FANCM: variants seen among roughly 807,000 people sequenced by gnomAD.
FANCM encodes Fanconi anemia group M protein.
A neutral mutation model predicts 199.5 loss-of-function variants in FANCM; 140 were observed. That is an observed-to-expected ratio of 0.70 (90% CI 0.61 to 0.81). The LOEUF is 0.81. Among genes scored for constraint, FANCM ranks in the 30% least tolerant of loss-of-function variants. The pLI is 0.00. For synonymous variants in FANCM, 840 were observed against 836.8 expected (o/e 1.00, Z -0.07); for missense variants, 2,410 against 2,421.4 (o/e 1.00, Z 0.10).
chr14:45,155,413 A>G lies in FANCM; in HGVS notation c.1350A>G (p.Leu450=), dbSNP rs781079353. The G allele has an allele frequency of 2.0e-6, 3 of 1,483,318 alleles. No individual in the cohort carries two copies. Among genetic ancestry groups the G allele is most frequent in the African/African-American group, 2.8e-5 (2 of 72,486 alleles). The allele number at this position is 1,483,318 out of a possible 1,614,324, so 91.9% of individuals were successfully genotyped here. Residue 450 remains leucine, a synonymous_variant, in exon 8 of 23, where the codon TTA becomes TTG. Transcript: ENST00000267430. The part of the protein sequence containing the change: ...NKKFVYSHPK[L]KKLEEVVIEH... ...AATTTGTTTATAGTCATCCAAAGTTAAAGAAATTAGAAGAAGTTGTAATTG... is the reference window on the plus strand; with the variant it reads ...AATTTGTTTATAGTCATCCAAAGTTGAAGAAATTAGAAGAAGTTGTAATTG...
intron 3 of FANCM, among the ~76,000 whole-genome samples, chr14:45,146,240 G>GA (rs143430263): frequency 0.85 from 78,928 of 93,024 alleles, 33,895 homozygotes; most frequent in Non-Finnish European, 0.89. Flanking sequence ...GACTCCGTCT[G>GA]AAAAAAAAAA....
chr14:45,138,023 G>T (rs1018627996), intron 2 of FANCM: 29 of 152,174 alleles, frequency 1.9e-4, no homozygotes, highest in Admixed American at 3.9e-4. Flanking sequence ...TGTGAAGATT[G>T]TGAGTTCTGG....
chr14:45,164,405 C>T lies in FANCM; in HGVS notation c.1628C>T (p.Thr543Ile), dbSNP rs1887816758. 3.1e-6 allele frequency: 5 copies of T among 1,613,350 alleles called. No individual in the cohort carries two copies. The South Asian group carries it at 3.3e-5, about 11-fold the overall frequency. The change falls in exon 10 of 23, where the codon ACC becomes ATC. Residue 543 changes from threonine (T) to isoleucine (I), a missense_variant. Coordinates refer to ENST00000267430, the MANE Select transcript of FANCM (RefSeq NM_020937.4). ...RDGGYNTLVS[T>I]CVGEEGLDIG... ...GGTGGTTACAACACGCTGGTTTCTA[C>T]CTGTGTGGGTGAAGAAGGTTTGGAT...
At position 45,136,260 on chromosome 14, in the gene FANCM, A is replaced by G. The variant is rs61746895; in HGVS notation, c.229A>G (p.Thr77Ala). 0.015 allele frequency: 24,315 copies of G among 1,613,858 alleles called. 235 individuals are homozygous for G. Among genetic ancestry groups the G allele is most frequent in the African/African-American group, 0.037 (2,781 of 74,930 alleles). ...QLCLENGGFC[T>A]SAGALWIYPT... is the part of the protein sequence containing the mutation. ...GTGTCTAGAGAATGGCGGGTTCTGC[A>G]CCTCCGCGGGCGCCCTGTGGATTTA... is the stretch of plus-strand genomic sequence containing the variant. Residue 77 changes from threonine (T) to alanine (A), a missense_variant, in exon 1 of 23, where the codon ACC becomes GCC. By Grantham distance (58) the Thr-to-Ala change is moderately conservative (BLOSUM62 0). Coordinates refer to ENST00000267430, the MANE Select transcript of FANCM (RefSeq NM_020937.4).
chr14:45,139,002 A>G (rs1042728161), intron 2 of FANCM, among the ~76,000 whole-genome samples: 22 of 152,360 alleles, frequency 1.4e-4, no homozygotes, highest in African/African-American at 5.3e-4. Flanking sequence ...ATTTCACTCA[A>G]AACTGCCTCA....
chr14:45,188,617 CT>C (rs1889558622), intron 19 of FANCM, among the ~76,000 whole-genome samples, 184 bp from the exon 20 acceptor site: 1 of 152,050 alleles, frequency 6.6e-6, no homozygotes, highest in Non-Finnish European at 1.5e-5. Context: ...CATTCTTTTC[CT>C]TTATCCTCAA....
chr14:45,170,227 G>T (rs1888250877), intron 11 of FANCM, among the ~76,000 whole-genome samples: 1 of 152,190 alleles, frequency 6.6e-6, no homozygotes, highest in Non-Finnish European at 1.5e-5. Context: ...GAGACATTTA[G>T]AAGCATGAAG....
Position 45,176,739 on chromosome 14 carries a change from T to C in FANCM, c.3985T>C (p.Ser1329Pro), listed in dbSNP as rs774931536. ...ELLSPGYSQF[S>P]LPVQKKVMST... Reference sequence around the variant, plus strand: ...GTTATCTCCTGGTTATTCTCAGTTTTCTTTACCAGTGCAAAAAAAAGTTAT... The same window carrying C: ...GTTATCTCCTGGTTATTCTCAGTTTCCTTTACCAGTGCAAAAAAAAGTTAT... The change falls in exon 14 of 23, where the codon TCT (serine) becomes CCT (proline). Residue 1329 changes from serine to proline, a missense_variant. Coordinates refer to ENST00000267430, the MANE Select transcript of FANCM (RefSeq NM_020937.4). 6.2e-7 allele frequency: 1 copy of C among 1,613,154 alleles called. No individual in the cohort carries two copies. Among genetic ancestry groups the C allele is most frequent in the African/African-American group, 1.3e-5 (1 of 74,998 alleles).
chr14:45,163,284 A>C (rs528282658), intron 9 of FANCM, among the ~76,000 whole-genome samples: 65 of 152,238 alleles, frequency 4.3e-4, no homozygotes, highest in Non-Finnish European at 8.5e-4. Flanking sequence ...GGTCGTTGGC[A>C]GTAGAAACTA....
At chr14:45,142,654 A>G (rs2139127169) in intron 3 of FANCM, among the ~76,000 whole-genome samples, 1 of 152,052 alleles carries the variant, frequency 6.6e-6, no homozygotes, top group African/African-American at 2.4e-5. Context: ...TTTGAAGTGT[A>G]GGTGCCAGAT....
chr14:45,157,127 A>C (rs1887254291), intron 8 of FANCM, among the ~76,000 whole-genome samples: 1 of 152,154 alleles, frequency 6.6e-6, no homozygotes, highest in Non-Finnish European at 1.5e-5. Context: ...ATAAATATAT[A>C]CAACTTTTAT....
chr14:45,160,871 A>G (rs1178047526), intron 9 of FANCM, among the ~76,000 whole-genome samples: 1 of 151,960 alleles, frequency 6.6e-6, no homozygotes, highest in Non-Finnish European at 1.5e-5. Flanking sequence ...TGCCCTCACT[A>G]CACCGAGAAG....
intron 10 of FANCM, among the ~76,000 whole-genome samples, chr14:45,164,779 T>G (rs1887849207): frequency 6.6e-6 from 1 of 152,220 alleles, no homozygotes; most frequent in African/African-American, 2.4e-5. Flanking sequence ...AAACACATTT[T>G]TAATACTTAA....
intron 9 of FANCM, 88 bp from the exon 10 acceptor site, chr14:45,164,271 A>G (rs1345461179): frequency 1.0e-5 from 11 of 1,095,286 alleles, no homozygotes; most frequent in East Asian, 9.7e-5. Context: ...TGATTTTACT[A>G]TTTTTCAGGT....
intron 2 of FANCM, among the ~76,000 whole-genome samples, chr14:45,140,181 C>T (rs1310236328): frequency 2.0e-5 from 3 of 152,122 alleles, no homozygotes; most frequent in African/African-American, 7.2e-5. Context: ...ACAATGGAAA[C>T]TGAACTTTCT....
In FANCM at chr14:45,166,760, A is replaced by G. The variant is rs182289762; in HGVS notation, c.1789-190A>G. On this transcript the variant is annotated intron_variant, in intron 10 of 22. Coordinates refer to ENST00000267430, the MANE Select transcript of FANCM (RefSeq NM_020937.4). ...CACTGTACTCCAGAGCCTGGATGAC[A>G]GAGTAAGACCCTGTCTCAAAAAAAA... 2.4e-3 allele frequency among the ~76,000 whole-genome samples: 357 copies of G among 151,176 alleles called. 1 individual carries two copies. Among genetic ancestry groups the G allele is most frequent in the Non-Finnish European group, 4.3e-3 (292 of 67,802 alleles).
Position 45,175,858 on chromosome 14 carries a change from C to A in FANCM, c.3104C>A (p.Thr1035Asn), listed in dbSNP as rs1411559650. 24 of 1,613,714 alleles carry A rather than the reference C, an allele frequency of 1.5e-5. No individual in the cohort carries two copies. Among genetic ancestry groups the A allele is most frequent in the Non-Finnish European group, 1.9e-5 (22 of 1,179,912 alleles). Residue 1035 changes from threonine (T) to asparagine (N), a missense_variant, in exon 14 of 23, where the codon ACC becomes AAC. Thr to Asn is a moderately conservative substitution (Grantham distance 65). Coordinates refer to ENST00000267430, the MANE Select transcript of FANCM (RefSeq NM_020937.4). Reference protein sequence around the residue: ...CAEHLRSDKCTCLLSHSAVNS... With the variant: ...CAEHLRSDKCNCLLSHSAVNS... ...GAGCATTTACGAAGTGATAAATGCA[C>A]CTGTTTGCTGTCACATTCAGCTGTG...
chr14:45,159,287 AT>A lies in FANCM; in HGVS notation c.1581+12del, dbSNP rs2139187131. ...CCAGAAGGAGCAACTGGAGGTAATT[AT>A]TTTTGGAATTGATAAAAATAAAAAT... On this transcript the variant is annotated splice_region_variant and intron_variant, in intron 9 of 22. Transcript: ENST00000267430. 1 of 1,603,528 alleles carries A rather than the reference AT, an allele frequency of 6.2e-7. No individual in the cohort carries two copies. Among genetic ancestry groups the A allele is most frequent in the Non-Finnish European group, 8.5e-7 (1 of 1,171,284 alleles).
At chr14:45,187,945 C>A in intron 19 of FANCM, 58 bp downstream of exon 19, 1 of 878,370 alleles carries the variant, frequency 1.1e-6, no homozygotes, top group South Asian at 1.4e-5. Flanking sequence ...AAATATGTTC[C>A]TGTTAGTGAA....
Sources: gnomAD v4.1 joint callset for allele counts (sites outside exome capture counted in the v4.1 genomes callset) on GRCh38, gnomAD v4.1.1 for gene constraint, MANE v1.5 for transcripts, NCBI Gene and HGNC (gene_info 2026-07-23, HGNC 2026-07-21) for gene names.